GLRA2: variants seen among roughly 807,000 people sequenced by gnomAD.
The protein encoded by GLRA2 is glycine receptor alpha 2.
Under a neutral mutation model 31.6 loss-of-function variants are expected in GLRA2, and 11 were observed. That is an observed-to-expected ratio of 0.35 (90% CI 0.22 to 0.58). The LOEUF is 0.58. GLRA2 is among the 20% of genes least tolerant of loss of function. The pLI is 0.84. For missense variants in GLRA2, 212 were observed against 351.8 expected, an observed-to-expected ratio of 0.60 and a Z score of 3.18; for synonymous variants, 132 against 134.0, an observed-to-expected ratio of 0.99 and a Z score of 0.10.
At chrX:14,483,434 C>T in the GLRA2 span, among the ~76,000 whole-genome samples, 1 of 111,997 alleles carries the variant, frequency 8.9e-6, no homozygotes. Context: ...AAACAATATC[C>T]TACTTCATAG....
intron 1 of GLRA2, among the ~76,000 whole-genome samples, chrX:14,531,835 T>A (rs2089259600): frequency 9.0e-6 from 1 of 111,369 alleles, no homozygotes; most frequent in African/African-American, 3.2e-5. Flanking sequence ...GACTTATATT[T>A]AGGGCCGAAA....
At chrX:14,623,702 C>T (rs1411693419) in intron 7 of GLRA2, among the ~76,000 whole-genome samples, 1 of 111,504 alleles carries the variant, frequency 9.0e-6, no homozygotes, top group Non-Finnish European at 1.9e-5. Context: ...ATGAAGCCCA[C>T]TTGATCATGG....
At chrX:14,533,104 A>T (rs2089279387) in intron 2 of GLRA2, among the ~76,000 whole-genome samples, 1 of 111,265 alleles carries the variant, frequency 9.0e-6, no homozygotes, top group Admixed American at 9.6e-5. Flanking sequence ...AAAAAAGAAT[A>T]AGAATCAATT....
chrX:14,466,138 CT>C, the GLRA2 span, among the ~76,000 whole-genome samples: 2 of 111,502 alleles, frequency 1.8e-5, no homozygotes, highest in Non-Finnish European at 3.8e-5. Context: ...GGATTGTAAC[CT>C]TTGATTAAGT....
chrX:14,638,809 T>C (rs779348514), intron 7 of GLRA2, among the ~76,000 whole-genome samples: 1 of 111,783 alleles, frequency 8.9e-6, no homozygotes, highest in African/African-American at 3.2e-5. Flanking sequence ...CATTCCTGTT[T>C]TGACTAATTT....
the GLRA2 span, among the ~76,000 whole-genome samples, chrX:14,476,157 A>G: frequency 2.7e-5 from 3 of 112,126 alleles, no homozygotes. Context: ...TTACAGTCCC[A>G]CTGCTCTGTA....
At position 14,570,250 on chromosome X, in the gene GLRA2, CAT is replaced by C. The variant is rs746338066; in HGVS notation, c.203-4082_203-4081del. 5.6e-4 allele frequency among the ~76,000 whole-genome samples: 63 copies of C among 112,009 alleles called. No homozygotes were observed. The South Asian group carries it at 0.016, about 28-fold the overall frequency. On this transcript the variant is annotated intron_variant, in intron 2 of 8. Coordinates refer to ENST00000218075, the MANE Select transcript of GLRA2 (RefSeq NM_002063.4). ...ATATATATTTATATAAAACAAATAA[CAT>C]GTGTTATAATACATAATACACACAC...
the GLRA2 span, among the ~76,000 whole-genome samples, chrX:14,463,669 C>T: frequency 7.9e-4 from 88 of 111,096 alleles, 1 homozygote; most frequent in Middle Eastern, 0.018. Context: ...GTGTGGGACC[C>T]GCCGAGACAA....
intron 2 of GLRA2, among the ~76,000 whole-genome samples, chrX:14,562,809 T>C (rs189442472): frequency 9.0e-6 from 1 of 111,581 alleles, no homozygotes; most frequent in East Asian, 2.8e-4. Flanking sequence ...ACTAACCCTT[T>C]ATAGACCTTA....
intron 4 of GLRA2, among the ~76,000 whole-genome samples, chrX:14,587,760 T>C (rs2090096143): frequency 8.9e-6 from 1 of 112,184 alleles, no homozygotes; most frequent in Non-Finnish European, 1.9e-5. Flanking sequence ...CTATTGATAA[T>C]TTCTTTTGCT....
chrX:14,462,207 C>T, the GLRA2 span, among the ~76,000 whole-genome samples: 8 of 111,875 alleles, frequency 7.2e-5, no homozygotes, highest in South Asian at 7.5e-4. Flanking sequence ...GGGTTTCTGC[C>T]GAGAGATCAG....
intron 7 of GLRA2, among the ~76,000 whole-genome samples, chrX:14,612,020 A>G (rs1473604167): frequency 2.7e-5 from 3 of 111,944 alleles, no homozygotes; most frequent in Non-Finnish European, 3.8e-5. Context: ...AGAATCTCAT[A>G]ATAATATTAC....
At chrX:14,682,700 C>G (rs1202882149) in intron 7 of GLRA2, among the ~76,000 whole-genome samples, 1 of 89,624 alleles carries the variant, frequency 1.1e-5, no homozygotes, top group Non-Finnish European at 2.2e-5. Flanking sequence ...TCCTTTCCCC[C>G]TCCCCCCACC....
At chrX:14,598,703 C>T (rs943302740) in intron 4 of GLRA2, among the ~76,000 whole-genome samples, 1 of 111,552 alleles carries the variant, frequency 9.0e-6, no homozygotes, top group East Asian at 2.8e-4. Flanking sequence ...TTAACCTTTC[C>T]CATTTCCACA....
chrX:14,599,669 A>T (rs948247455), intron 4 of GLRA2, among the ~76,000 whole-genome samples: 1 of 111,965 alleles, frequency 8.9e-6, no homozygotes, highest in African/African-American at 3.2e-5. Flanking sequence ...ATAATGAAAT[A>T]TTCTAGGGTG....
chrX:14,702,744 A>G (rs770903036), intron 8 of GLRA2, among the ~76,000 whole-genome samples: 1 of 111,457 alleles, frequency 9.0e-6, no homozygotes, highest in South Asian at 3.8e-4. Context: ...GGTTCAAGGG[A>G]TTGGGGGCCA....
chrX:14,544,090 A>G (rs139003741), intron 2 of GLRA2, among the ~76,000 whole-genome samples: 1,729 of 111,928 alleles, frequency 0.015, 41 homozygotes, highest in African/African-American at 0.053. Context: ...TTTCATTTTG[A>G]TTCATGGTCA....
At chrX:14,458,707 G>T in the GLRA2 span, among the ~76,000 whole-genome samples, 2 of 111,515 alleles carry the variant, frequency 1.8e-5, no homozygotes, top group Non-Finnish European at 1.9e-5. Flanking sequence ...TCGCCCACTT[G>T]TTGATGGGGT....
At chrX:14,682,624 A>C (rs111611502) in intron 7 of GLRA2, among the ~76,000 whole-genome samples, 33 of 110,352 alleles carry the variant, frequency 3.0e-4, no homozygotes, top group African/African-American at 8.3e-4. Context: ...ATATGTATAC[A>C]TGTGCCATGT....
Sources: allele counts gnomAD v4.1 joint callset (sites outside exome capture counted in the v4.1 genomes callset), GRCh38; gene constraint gnomAD v4.1.1; transcripts MANE v1.5; gene names NCBI Gene and HGNC (gene_info 2026-07-23, HGNC 2026-07-21).